TMED10: variants seen among roughly 807,000 people sequenced by gnomAD.
TMED10 encodes transmembrane emp24 domain-containing protein 10.
A neutral mutation model predicts 23.1 loss-of-function variants in TMED10; 7 were observed. The ratio of observed to expected loss-of-function variants is 0.30; its 90% CI spans 0.17 to 0.57. The LOEUF (loss-of-function observed/expected upper bound fraction) is 0.57. TMED10 is among the 20% of genes least tolerant of loss of function. The probability of loss-of-function intolerance (pLI) is 0.91; values close to 1 mark genes in which losing one functional copy is unlikely to be tolerated. For synonymous variants in TMED10, 113 were observed against 106.9 expected (o/e 1.06, Z -0.35); for missense variants, 162 against 274.8 (o/e 0.59, Z 2.90).
intron 3 of TMED10, among the ~76,000 whole-genome samples, chr14:75,145,806 AC>A (rs1233290538): frequency 1.3e-5 from 2 of 152,022 alleles, no homozygotes; most frequent in Non-Finnish European, 2.9e-5. Context: ...ATAAATAAAT[AC>A]CCTTAATGAC....
At chr14:75,139,595 C>T (rs904009971) in intron 3 of TMED10, among the ~76,000 whole-genome samples, 14 of 146,306 alleles carry the variant, frequency 9.6e-5, no homozygotes, top group Admixed American at 3.5e-4. Context: ...AAGATCATGC[C>T]ACTATACTCC....
At chr14:75,161,705 GCA>G (rs1265007412) in intron 1 of TMED10, among the ~76,000 whole-genome samples, 1 of 151,588 alleles carries the variant, frequency 6.6e-6, no homozygotes, top group Non-Finnish European at 1.5e-5. Context: ...CTGCCCCTAA[GCA>G]CTACATTTCT....
At chr14:75,154,713 G>T (rs1464282691) in intron 1 of TMED10, among the ~76,000 whole-genome samples, 6 of 150,578 alleles carry the variant, frequency 4.0e-5, no homozygotes, top group East Asian at 2.0e-4. Flanking sequence ...ACCCAGGCTG[G>T]AGTGCAGTGA....
intron 1 of TMED10, among the ~76,000 whole-genome samples, chr14:75,174,823 A>C (rs1443226969): frequency 6.6e-6 from 1 of 152,010 alleles, no homozygotes; most frequent in African/African-American, 2.4e-5. Context: ...CGGGCAGATC[A>C]CGAGGTCAAG....
intron 3 of TMED10, among the ~76,000 whole-genome samples, chr14:75,144,128 G>C (rs774069484): frequency 6.6e-6 from 1 of 152,156 alleles, no homozygotes; most frequent in Non-Finnish European, 1.5e-5. Flanking sequence ...TATTTTACTC[G>C]TGGGACACAC....
intron 1 of TMED10, among the ~76,000 whole-genome samples, chr14:75,154,914 T>G (rs1896003808): frequency 6.6e-6 from 1 of 151,404 alleles, no homozygotes; most frequent in South Asian, 2.1e-4. Flanking sequence ...CCACCTGCCT[T>G]GGCCTCTGAA....
chr14:75,142,934 C>G (rs1219745045), intron 3 of TMED10, among the ~76,000 whole-genome samples: 1 of 152,144 alleles, frequency 6.6e-6, no homozygotes, highest in Non-Finnish European at 1.5e-5. Flanking sequence ...TCTTGGCTCA[C>G]TGCAACCTCT....
rs184822796 is a variant in TMED10 at position 75,162,101 on chromosome 14, C to T, written c.226-9958G>A. Among the ~76,000 whole-genome samples, 248 of 152,130 alleles carry T rather than the reference C, an allele frequency of 1.6e-3. 1 individual carries two copies. Among genetic ancestry groups the T allele is most frequent in the Admixed American group, 2.5e-3 (38 of 15,280 alleles). On this transcript the variant is annotated intron_variant, in intron 1 of 4. Coordinates refer to ENST00000303575, the MANE Select transcript of TMED10 (RefSeq NM_006827.6). Reference sequence around the variant, plus strand: ...CCAACATGGAGAAACCCCATCTCTACTAAAAATACAAAAATTAGCCAGGCA... The same window carrying T: ...CCAACATGGAGAAACCCCATCTCTATTAAAAATACAAAAATTAGCCAGGCA...
At chr14:75,136,544 G>A (rs1895752016) in intron 3 of TMED10, among the ~76,000 whole-genome samples, 1 of 152,156 alleles carries the variant, frequency 6.6e-6, no homozygotes, top group Non-Finnish European at 1.5e-5. Flanking sequence ...AAATGTGGGA[G>A]TCATATTAAG....
chr14:75,158,587 C>T (rs1896049692), intron 1 of TMED10, among the ~76,000 whole-genome samples: 1 of 151,846 alleles, frequency 6.6e-6, no homozygotes, highest in Admixed American at 6.5e-5. Flanking sequence ...CTTGGCCTCC[C>T]AAATGCTGAA....
chr14:75,146,500 T>C (rs1328891845), intron 3 of TMED10, among the ~76,000 whole-genome samples: 1 of 152,216 alleles, frequency 6.6e-6, no homozygotes, highest in Non-Finnish European at 1.5e-5. Context: ...TGCCCTTACG[T>C]ACTGTTTTGT....
chr14:75,165,054 AAGAG>A lies in TMED10; in HGVS notation c.225+11297_225+11300del, dbSNP rs754973710. ...AGAATCCAACATTAGATATGGCGGA[AAGAG>A]AGAGAGGATTGAGGTTGCATATATA... On this transcript the variant is annotated intron_variant, in intron 1 of 4. Coordinates refer to ENST00000303575, the MANE Select transcript of TMED10 (RefSeq NM_006827.6). Among the ~76,000 whole-genome samples the A allele has an allele frequency of 1.5e-4, 23 of 152,098 alleles. No individual in the cohort carries two copies. In the South Asian group the frequency reaches 1.9e-3, roughly 12 times the overall value.
At chr14:75,171,967 A>T (rs1896239708) in intron 1 of TMED10, among the ~76,000 whole-genome samples, 1 of 151,608 alleles carries the variant, frequency 6.6e-6, no homozygotes, top group African/African-American at 2.4e-5. Flanking sequence ...CTGGAGGGGT[A>T]CATGTGCAGA....
intron 1 of TMED10, among the ~76,000 whole-genome samples, chr14:75,164,577 A>ATTTTTTTTTTTT (rs60845992): frequency 2.2e-5 from 1 of 45,092 alleles, no homozygotes; most frequent in African/African-American, 2.2e-4. Context: ...ATATATATAT[A>ATTTTTTTTTTTT]TTTTTTTTTT....
At chr14:75,174,781 G>A (rs1166120537) in intron 1 of TMED10, among the ~76,000 whole-genome samples, 3 of 151,944 alleles carry the variant, frequency 2.0e-5, no homozygotes, top group African/African-American at 7.3e-5. Context: ...GGTGGCTTAC[G>A]GCTGTAATCC....
chr14:75,134,879 C>T lies in TMED10; in HGVS notation c.*6G>A. ...TACAAGGTGGGAGGAGAATATGCCT[C>T]ATTCATTACTCAATCAATTTCTTGG... On this transcript the variant is annotated 3_prime_UTR_variant, in exon 5 of 5. Coordinates refer to ENST00000303575, the MANE Select transcript of TMED10 (RefSeq NM_006827.6). 6.2e-7 allele frequency: 1 copy of T among 1,613,746 alleles called. No individual in the cohort carries two copies. The highest frequency in any genetic ancestry group is 1.1e-5 in the South Asian group (1 of 91,062).
At chr14:75,172,738 G>T (rs2139864342) in intron 1 of TMED10, among the ~76,000 whole-genome samples, 1 of 152,328 alleles carries the variant, frequency 6.6e-6, no homozygotes, top group African/African-American at 2.4e-5. Flanking sequence ...AATTTAGCAT[G>T]AAATGATATG....
chr14:75,146,232 G>A (rs956515118), intron 3 of TMED10, among the ~76,000 whole-genome samples: 1 of 152,186 alleles, frequency 6.6e-6, no homozygotes, highest in Non-Finnish European at 1.5e-5. Flanking sequence ...ACGCTACCTA[G>A]TTTCATTCAA....
chr14:75,138,126 A>T (rs1895775980), intron 3 of TMED10, among the ~76,000 whole-genome samples: 1 of 152,120 alleles, frequency 6.6e-6, no homozygotes, highest in Admixed American at 6.5e-5. Flanking sequence ...TCTTTGTGAA[A>T]TGTTAACAGC....
Sources: allele counts gnomAD v4.1 joint callset (sites outside exome capture counted in the v4.1 genomes callset), GRCh38; gene constraint gnomAD v4.1.1; transcripts MANE v1.5; gene names NCBI Gene and HGNC (gene_info 2026-07-23, HGNC 2026-07-21).